RABGAP1L: variants seen among roughly 807,000 people sequenced by gnomAD.
The protein encoded by RABGAP1L is rab GTPase-activating protein 1-like.
RABGAP1L carries 63 observed loss-of-function variants against 137.7 expected under a neutral mutation model. The observed-to-expected ratio is 0.46, with a 90% CI of 0.37 to 0.56. The LOEUF (loss-of-function observed/expected upper bound fraction) is 0.56, where lower values mean the gene tolerates loss of function less well. Ranked by LOEUF, RABGAP1L falls within the 20% of genes least tolerant of loss-of-function variation. RABGAP1L has a pLI of 0.00. For synonymous variants in RABGAP1L, 431 were observed against 433.7 expected (o/e 0.99, Z 0.08); for missense variants, 1,095 against 1,244.0 (o/e 0.88, Z 1.80).
intron 1 of RABGAP1L, among the ~76,000 whole-genome samples, chr1:174,204,732 G>A (rs1668379887): frequency 6.6e-6 from 1 of 152,074 alleles, no homozygotes; most frequent in South Asian, 2.1e-4. Flanking sequence ...TTGGATCCTG[G>A]GGGCGGATGT....
rs1432189781 is a variant in RABGAP1L at position 174,550,987 on chromosome 1, TATATATATACAC to T, written c.1711-86378_1711-86367del. On this transcript the variant is annotated intron_variant, in intron 13 of 25. Coordinates refer to ENST00000681986, the MANE Select transcript of RABGAP1L (RefSeq NM_001366446.1). ...ATATATATACATGTATATATACATATATATATATACACATATATATATATATATATATATACA... is the reference window on the plus strand; with the variant it reads ...ATATATATACATGTATATATACATATATATATATATATATATATATATACA... Among the ~76,000 whole-genome samples the T allele has an allele frequency of 2.8e-4, 28 of 99,044 alleles. 3 individuals are homozygous for T. The highest frequency in any genetic ancestry group is 1.8e-3 in the African/African-American group (26 of 14,256). 65.0% of individuals were successfully genotyped at this position (99,044 alleles called of 152,430 possible). A position where few individuals can be genotyped will look rare whatever the true frequency, so the allele number is the denominator to read the frequency against.
intron 14 of RABGAP1L, among the ~76,000 whole-genome samples, chr1:174,656,015 G>T (rs895710481): frequency 3.3e-5 from 5 of 152,122 alleles, no homozygotes; most frequent in African/African-American, 9.7e-5. Flanking sequence ...TTGTTATAGA[G>T]TTGTCATTGC....
chr1:174,756,467 A>T (rs992357859), intron 18 of RABGAP1L, among the ~76,000 whole-genome samples: 16 of 151,832 alleles, frequency 1.1e-4, no homozygotes, highest in Admixed American at 3.9e-4. Context: ...ATATATATAT[A>T]TATTTTTTTT....
chr1:174,305,915 CT>C (rs1377813335), intron 11 of RABGAP1L, among the ~76,000 whole-genome samples: 3 of 152,152 alleles, frequency 2.0e-5, no homozygotes, highest in Non-Finnish European at 4.4e-5. Context: ...TCCCTCCCCC[CT>C]CCTCCCACCC....
intron 18 of RABGAP1L, among the ~76,000 whole-genome samples, chr1:174,777,530 G>A (rs1686620550): frequency 6.6e-6 from 1 of 152,146 alleles, no homozygotes; most frequent in African/African-American, 2.4e-5. Flanking sequence ...AGTTGCCTAG[G>A]ATCTCATCGT....
At chr1:174,186,109 A>T (rs929913340) in intron 1 of RABGAP1L, among the ~76,000 whole-genome samples, 78 of 150,236 alleles carry the variant, frequency 5.2e-4, no homozygotes, top group African/African-American at 1.9e-3. Context: ...GCGCCATTGC[A>T]CTCCAGCCTG....
intron 10 of RABGAP1L, among the ~76,000 whole-genome samples, chr1:174,302,726 G>A (rs778918523): frequency 1.6e-4 from 24 of 152,152 alleles, no homozygotes; most frequent in Non-Finnish European, 3.4e-4. Context: ...CTAAGTGTAG[G>A]TTTGATATTA....
chr1:174,255,909 T>A (rs1265424268), intron 7 of RABGAP1L, among the ~76,000 whole-genome samples: 1 of 152,214 alleles, frequency 6.6e-6, no homozygotes, highest in Non-Finnish European at 1.5e-5. Context: ...GTTAAATACA[T>A]CGTGGCCCTT....
chr1:174,327,854 A>C (rs758748980), intron 11 of RABGAP1L, among the ~76,000 whole-genome samples: 119 of 151,004 alleles, frequency 7.9e-4, no homozygotes, highest in Non-Finnish European at 1.5e-3. Context: ...CTATATTTCT[A>C]TCTGATAAAT....
chr1:174,581,025 T>C (rs1572392819), intron 13 of RABGAP1L, among the ~76,000 whole-genome samples: 1 of 151,968 alleles, frequency 6.6e-6, no homozygotes, highest in African/African-American at 2.4e-5. Flanking sequence ...AAAAGTCGAG[T>C]GTTGGCAAGG....
chr1:174,165,293 G>A (rs1045280263), intron 1 of RABGAP1L, among the ~76,000 whole-genome samples: 1 of 152,056 alleles, frequency 6.6e-6, no homozygotes, highest in Admixed American at 6.6e-5. Flanking sequence ...GGGATTACAG[G>A]CGCCAACTGC....
At chr1:174,283,426 AAAG>A (rs886655990) in intron 10 of RABGAP1L, among the ~76,000 whole-genome samples, 1 of 152,076 alleles carries the variant, frequency 6.6e-6, no homozygotes, top group African/African-American at 2.4e-5. Flanking sequence ...ATAATAAAAA[AAAG>A]AAAAATGCAT....
At chr1:174,948,675 A>G (rs1667271991) in intron 19 of RABGAP1L, 1 of 152,138 alleles carries the variant, frequency 6.6e-6, no homozygotes, top group African/African-American at 2.4e-5. Flanking sequence ...ATTACTATGT[A>G]TCCACAAATA....
chr1:174,955,728 A>T (rs915723167), intron 19 of RABGAP1L, among the ~76,000 whole-genome samples: 2 of 152,220 alleles, frequency 1.3e-5, no homozygotes, highest in Non-Finnish European at 2.9e-5. Flanking sequence ...AGAAGTTTGC[A>T]ACATAGCACG....
chr1:174,269,088 G>A (rs1410678098), intron 7 of RABGAP1L, among the ~76,000 whole-genome samples: 1 of 151,920 alleles, frequency 6.6e-6, no homozygotes, highest in Non-Finnish European at 1.5e-5. Context: ...GACTACATGC[G>A]CCCGCCACCA....
intron 17 of RABGAP1L, among the ~76,000 whole-genome samples, chr1:174,730,899 A>G (rs1682409659): frequency 1.3e-5 from 2 of 152,218 alleles, no homozygotes; most frequent in South Asian, 2.1e-4. Context: ...TTTTTTCCAA[A>G]TGAAATCTTA....
At chr1:174,360,256 T>C (rs561465823) in intron 11 of RABGAP1L, among the ~76,000 whole-genome samples, 49 of 152,002 alleles carry the variant, frequency 3.2e-4, no homozygotes, top group Non-Finnish European at 6.8e-4. Context: ...AATTTTTTTT[T>C]GCCATGCTTA....
intron 3 of RABGAP1L, among the ~76,000 whole-genome samples, chr1:174,225,494 C>CTTTTTTTTTTTTTTT (rs59323156): frequency 1.0e-4 from 11 of 105,712 alleles, no homozygotes; most frequent in African/African-American, 3.8e-4. Context: ...AGAATGTTGA[C>CTTTTTTTTTTTTTTT]TTTTTTTTTT....
Position 174,824,473 on chromosome 1 carries a change from C to T in RABGAP1L, c.2340+12513C>T, listed in dbSNP as rs147274505. 5.0e-3 allele frequency among the ~76,000 whole-genome samples: 759 copies of T among 151,892 alleles called. 10 individuals carry two copies. Among genetic ancestry groups the T allele is most frequent in the Admixed American group, 0.011 (168 of 15,248 alleles). ...TCGTGCCACTGCACTCTGGCCTGGGCGACAGAGCAAGACTCTGTCTCTAAA... is the reference window on the plus strand; with the variant it reads ...TCGTGCCACTGCACTCTGGCCTGGGTGACAGAGCAAGACTCTGTCTCTAAA... On this transcript the variant is annotated intron_variant, in intron 19 of 25. Coordinates refer to ENST00000681986, the MANE Select transcript of RABGAP1L (RefSeq NM_001366446.1).
Sources: allele counts gnomAD v4.1 joint callset (sites outside exome capture counted in the v4.1 genomes callset), GRCh38; gene constraint gnomAD v4.1.1; transcripts MANE v1.5; gene names NCBI Gene and HGNC (gene_info 2026-07-23, HGNC 2026-07-21).